The following WDPCP variants were observed in gnomAD, a reference collection of about 807,000 sequenced individuals.
The protein encoded by WDPCP is WD repeat-containing and planar cell polarity effector protein fritz homolog.
WDPCP carries 71 observed loss-of-function variants against 93.1 expected under a neutral mutation model. That is an observed-to-expected ratio of 0.76 (90% CI 0.63 to 0.93). WDPCP has a LOEUF of 0.93. Ranked by LOEUF, WDPCP falls within the 40% of genes least tolerant of loss-of-function variation. WDPCP has a pLI of 0.00. For synonymous variants in WDPCP, 315 were observed against 315.0 expected (o/e 1.00, Z 0.00); for missense variants, 844 against 887.4 (o/e 0.95, Z 0.62).
chr2:63,333,610 C>G (rs1688139932), intron 12 of WDPCP, among the ~76,000 whole-genome samples: 1 of 152,228 alleles, frequency 6.6e-6, no homozygotes, highest in African/African-American at 2.4e-5. Context: ...ATACACTCAA[C>G]CAATTGTCAA....
intron 2 of WDPCP, among the ~76,000 whole-genome samples, chr2:63,491,185 T>G (rs981007278): frequency 6.6e-6 from 1 of 152,184 alleles, no homozygotes; most frequent in African/African-American, 2.4e-5. Context: ...GGATTTAGTA[T>G]TTTTCCTTAG....
chr2:63,166,072 A>AT (rs963575685), intron 15 of WDPCP, among the ~76,000 whole-genome samples: 76 of 150,836 alleles, frequency 5.0e-4, no homozygotes, highest in African/African-American at 1.8e-3. Flanking sequence ...TTTAATTTTA[A>AT]TTTTTTTATT....
intron 14 of WDPCP, among the ~76,000 whole-genome samples, chr2:63,191,477 A>AT (rs1211549044): frequency 6.6e-6 from 1 of 152,196 alleles, no homozygotes; most frequent in Non-Finnish European, 1.5e-5. Context: ...TCATAAAAAA[A>AT]TGGAGGGATT....
intron 2 of WDPCP, among the ~76,000 whole-genome samples, chr2:63,704,947 A>G (rs1416904082): frequency 6.6e-6 from 1 of 152,118 alleles, no homozygotes; most frequent in Non-Finnish European, 1.5e-5. Flanking sequence ...TTTGATTGGT[A>G]AGCTATTAAT....
chr2:63,245,941 A>C (rs1444291251), intron 14 of WDPCP, among the ~76,000 whole-genome samples: 1 of 152,052 alleles, frequency 6.6e-6, no homozygotes, highest in Non-Finnish European at 1.5e-5. Flanking sequence ...TTGTTTTAAA[A>C]ATTTGTGGTG....
At chr2:63,683,868 G>T (rs1198921405) in intron 2 of WDPCP, among the ~76,000 whole-genome samples, 1 of 151,110 alleles carries the variant, frequency 6.6e-6, no homozygotes. Flanking sequence ...AAAAAGAACA[G>T]GCAAAGAAGG....
chr2:63,479,946 T>C (rs1340434214), intron 6 of WDPCP, among the ~76,000 whole-genome samples: 1 of 152,172 alleles, frequency 6.6e-6, no homozygotes, highest in Non-Finnish European at 1.5e-5. Flanking sequence ...AAGGTGTCAC[T>C]GTTTGCTGAT....
chr2:63,474,888 AG>A (rs1312662595), intron 6 of WDPCP, among the ~76,000 whole-genome samples: 1 of 152,186 alleles, frequency 6.6e-6, no homozygotes, highest in Non-Finnish European at 1.5e-5. Flanking sequence ...ATGTCTGCAC[AG>A]TAAAAAGATA....
intron 17 of WDPCP, among the ~76,000 whole-genome samples, chr2:63,132,197 A>G (rs1355071489): frequency 6.6e-6 from 1 of 151,884 alleles, no homozygotes; most frequent in Non-Finnish European, 1.5e-5. Context: ...CATACTGAGA[A>G]CTTTGCTGAT....
intron 10 of WDPCP, among the ~76,000 whole-genome samples, chr2:63,396,633 G>A (rs1693747554): frequency 6.6e-6 from 1 of 151,218 alleles, no homozygotes; most frequent in South Asian, 2.1e-4. Flanking sequence ...GCAGGAAAGG[G>A]CTTATCAACC....
At chr2:63,279,056 T>C (rs895055207) in intron 13 of WDPCP, among the ~76,000 whole-genome samples, 1 of 152,126 alleles carries the variant, frequency 6.6e-6, no homozygotes, top group Non-Finnish European at 1.5e-5. Flanking sequence ...CTATCAGACA[T>C]TCAAAGAATT....
intron 12 of WDPCP, chr2:63,369,567 T>C (rs1388707492): frequency 4.6e-5 from 21 of 455,012 alleles, no homozygotes; most frequent in Non-Finnish European, 1.3e-5. Flanking sequence ...AGAAAACACA[T>C]TTTGTACATC....
chr2:63,605,487 G>T, intron 3 of WDPCP: 1 of 909,450 alleles, frequency 1.1e-6, no homozygotes, highest in Non-Finnish European at 1.7e-6. Flanking sequence ...AGTCAGTCAG[G>T]TTAGGTTCAT....
chr2:63,197,535 T>C (rs765554495), intron 14 of WDPCP, among the ~76,000 whole-genome samples: 1 of 152,222 alleles, frequency 6.6e-6, no homozygotes, highest in Non-Finnish European at 1.5e-5. Context: ...AAAATATTCA[T>C]ACTCTTTGGC....
chr2:63,499,134 A>C (rs940706135), intron 1 of WDPCP, among the ~76,000 whole-genome samples: 2 of 152,244 alleles, frequency 1.3e-5, no homozygotes, highest in Non-Finnish European at 2.9e-5. Context: ...TAAAATAATC[A>C]CAAAAACAAT....
intron 1 of WDPCP, among the ~76,000 whole-genome samples, chr2:63,516,041 T>A (rs905719259): frequency 1.3e-5 from 2 of 151,800 alleles, no homozygotes; most frequent in Non-Finnish European, 2.9e-5. Flanking sequence ...AAAGATTTTC[T>A]AATCACCATA....
intron 14 of WDPCP, among the ~76,000 whole-genome samples, chr2:63,186,164 A>G (rs1176508710): frequency 6.6e-6 from 1 of 152,240 alleles, no homozygotes; most frequent in African/African-American, 2.4e-5. Context: ...TGGGGCACTC[A>G]GGAAAGTCAG....
chr2:63,138,601 C>T (rs909182481), intron 17 of WDPCP, among the ~76,000 whole-genome samples: 18 of 151,968 alleles, frequency 1.2e-4, no homozygotes, highest in East Asian at 3.9e-4. Flanking sequence ...TACAGGCGCC[C>T]GTCACCTCGC....
At chr2:63,318,370 G>T (rs1686820725) in intron 12 of WDPCP, among the ~76,000 whole-genome samples, 1 of 152,116 alleles carries the variant, frequency 6.6e-6, no homozygotes, top group African/African-American at 2.4e-5. Context: ...ATTTCTCAAA[G>T]AACTTAAAAC....
Sources: allele counts gnomAD v4.1 joint callset (sites outside exome capture counted in the v4.1 genomes callset), GRCh38; gene constraint gnomAD v4.1.1; transcripts MANE v1.5; gene names NCBI Gene and HGNC (gene_info 2026-07-23, HGNC 2026-07-21).